Variants in ADARB1 observed in about 807,000 individuals in gnomAD.
ADARB1 encodes the protein adenosine deaminase RNA specific B1.
In ADARB1, 10 loss-of-function variants were observed where a neutral mutation model predicts 52.4. The observed-to-expected ratio is 0.19, with a 90% CI of 0.12 to 0.32. The LOEUF (loss-of-function observed/expected upper bound fraction) is 0.32, where lower values mean the gene tolerates loss of function less well. ADARB1 is among the 10% of genes least tolerant of loss of function. ADARB1 has a pLI of 1.00. For synonymous variants in ADARB1, 349 were observed against 371.1 expected (o/e 0.94, Z 0.68); for missense variants, 643 against 922.3 (o/e 0.70, Z 3.92).
intron 2 of ADARB1, 60 bp from the exon 3 acceptor site, chr21:45,171,550 C>T: frequency 9.6e-7 from 1 of 1,037,010 alleles, no homozygotes. Flanking sequence ...TTAGAGTAGA[C>T]TTACTTCATA....
At chr21:45,143,432 A>G (rs980533947) in intron 2 of ADARB1, among the ~76,000 whole-genome samples, 3 of 152,104 alleles carry the variant, frequency 2.0e-5, no homozygotes, top group Non-Finnish European at 4.4e-5. Context: ...TCTATCCCAC[A>G]TGGCAGCCAG....
At chr21:45,086,614 C>G (rs770688213) in intron 1 of ADARB1, among the ~76,000 whole-genome samples, 2 of 152,360 alleles carry the variant, frequency 1.3e-5, no homozygotes, top group East Asian at 3.9e-4. Flanking sequence ...CAGGCTTTCA[C>G]TTAACATGTT....
At chr21:45,185,158 C>T (rs922078199) in intron 8 of ADARB1, 67 bp downstream of exon 8, 12 of 1,538,082 alleles carry the variant, frequency 7.8e-6, no homozygotes, top group South Asian at 1.2e-5. Context: ...GTTTGCCAAC[C>T]TCCCTTTTCC....
At chr21:45,202,882 G>T (rs926242671) in intron 8 of ADARB1, among the ~76,000 whole-genome samples, 2 of 148,302 alleles carry the variant, frequency 1.3e-5, no homozygotes, top group African/African-American at 5.0e-5. Context: ...TGTGCTGAGC[G>T]TCTTCCCCTG....
intron 8 of ADARB1, among the ~76,000 whole-genome samples, chr21:45,188,496 A>G (rs1194730740): frequency 6.6e-6 from 1 of 152,184 alleles, no homozygotes; most frequent in Non-Finnish European, 1.5e-5. Context: ...CATATTCATT[A>G]TTCCTGCTAT....
chr21:45,118,251 C>G (rs959229226), intron 1 of ADARB1, among the ~76,000 whole-genome samples: 10 of 152,216 alleles, frequency 6.6e-5, no homozygotes, highest in Non-Finnish European at 1.3e-4. Flanking sequence ...GCCATGGTTT[C>G]TCCTATCCCA....
At chr21:45,130,406 G>A (rs1199407378) in intron 2 of ADARB1, among the ~76,000 whole-genome samples, 1 of 152,160 alleles carries the variant, frequency 6.6e-6, no homozygotes, top group Non-Finnish European at 1.5e-5. Context: ...CAAAACTGAA[G>A]AGCTGGAAAT....
chr21:45,076,923 T>C (rs2085960301), intron 1 of ADARB1, among the ~76,000 whole-genome samples: 1 of 152,198 alleles, frequency 6.6e-6, no homozygotes, highest in South Asian at 2.1e-4. Flanking sequence ...CATAAAGCAG[T>C]ACATTTGTAT....
At chr21:45,106,922 C>T (rs982736307) in intron 1 of ADARB1, among the ~76,000 whole-genome samples, 1 of 152,016 alleles carries the variant, frequency 6.6e-6, no homozygotes, top group Non-Finnish European at 1.5e-5. Flanking sequence ...TCCTGAGGTA[C>T]CCACTGGCTA....
Position 45,225,627 on chromosome 21 carries a change from CATCCGG to C in ADARB1, c.*3432_*3437del, listed in dbSNP as rs1362556764. ...GATTAGCGAAGCTGTGGAGACTGCA[CATCCGG>C]ACCTGCCCATGTCTCAAAACAAACA... On this transcript the variant is annotated 3_prime_UTR_variant, in exon 11 of 11. Coordinates refer to ENST00000348831, the MANE Select transcript of ADARB1 (RefSeq NM_001112.4). 8.1e-7 allele frequency: 1 copy of C among 1,231,680 alleles called. No individual in the cohort carries two copies. The highest frequency in any genetic ancestry group is 1.1e-6 in the Non-Finnish European group (1 of 947,330). The allele number at this position is 1,231,680 out of a possible 1,614,324, so 76.3% of individuals were successfully genotyped here.
chr21:45,180,255 C>A, intron 4 of ADARB1, 75 bp from the exon 5 acceptor site: 1 of 1,015,720 alleles, frequency 9.8e-7, no homozygotes, highest in Non-Finnish European at 1.5e-6. Context: ...AGGGAGAGTG[C>A]GTGCAGCATT....
chr21:45,082,650 T>G (rs2086197881), intron 1 of ADARB1, among the ~76,000 whole-genome samples: 1 of 152,204 alleles, frequency 6.6e-6, no homozygotes, highest in South Asian at 2.1e-4. Context: ...TGGATAATGT[T>G]TAACATTTAT....
chr21:45,112,176 G>T (rs1433542610), intron 1 of ADARB1, among the ~76,000 whole-genome samples: 1 of 152,228 alleles, frequency 6.6e-6, no homozygotes, highest in Non-Finnish European at 1.5e-5. Context: ...ATCAGGGAAG[G>T]AGCAGGTATG....
chr21:45,104,912 T>A (rs1405580994), intron 1 of ADARB1, among the ~76,000 whole-genome samples: 1 of 152,180 alleles, frequency 6.6e-6, no homozygotes, highest in Non-Finnish European at 1.5e-5. Context: ...GGGGAAATGC[T>A]CCCAAGTATG....
rs1320516935 is a variant in ADARB1, at chr21:45,208,007, C to T, written c.1747+3271C>T. Among the ~76,000 whole-genome samples the T allele has an allele frequency of 6.6e-6, 1 of 152,160 alleles. No homozygotes were observed. The highest frequency in any genetic ancestry group is 2.4e-5 in the African/African-American group (1 of 41,446). ...TTGGTGCCAAGCTGTGACACTTTTG[C>T]CTTTGTGGGTATACACACTTGGTAC... On this transcript the variant is annotated intron_variant, in intron 9 of 10. Coordinates refer to ENST00000348831, the MANE Select transcript of ADARB1 (RefSeq NM_001112.4). This position sits in a 1 kb window ranked among gnomAD's most constrained non-coding sequence, Gnocchi z 5.6.
chr21:45,150,453 G>A (rs1003028985), intron 2 of ADARB1, among the ~76,000 whole-genome samples: 1 of 152,106 alleles, frequency 6.6e-6, no homozygotes, highest in Non-Finnish European at 1.5e-5. Context: ...AATGTGAAAT[G>A]TTTAAATCAA....
chr21:45,225,640 C>T lies in ADARB1; in HGVS notation c.*3443C>T, dbSNP rs1805769301. The T allele has an allele frequency of 8.5e-7, 1 of 1,182,940 alleles. No homozygotes were observed. Among genetic ancestry groups the T allele is most frequent in the Non-Finnish European group, 1.1e-6 (1 of 903,796 alleles). The allele number at this position is 1,182,940 out of a possible 1,614,324, so 73.3% of individuals were successfully genotyped here. A position where few individuals can be genotyped will look rare whatever the true frequency, so the allele number is the denominator to read the frequency against. On this transcript the variant is annotated 3_prime_UTR_variant, in exon 11 of 11. Coordinates refer to ENST00000348831, the MANE Select transcript of ADARB1 (RefSeq NM_001112.4). ...GTGGAGACTGCACATCCGGACCTGC[C>T]CATGTCTCAAAACAAACACATGTAC... is the stretch of plus-strand genomic sequence containing the variant.
chr21:45,183,037 T>A (rs1284367123), intron 6 of ADARB1, among the ~76,000 whole-genome samples: 1 of 152,204 alleles, frequency 6.6e-6, no homozygotes, highest in Non-Finnish European at 1.5e-5. Flanking sequence ...AACTGCCAGG[T>A]AAAGATGGTA....
chr21:45,125,181 A>G (rs529432329), intron 1 of ADARB1, among the ~76,000 whole-genome samples: 7 of 152,180 alleles, frequency 4.6e-5, no homozygotes, highest in Non-Finnish European at 1.0e-4. Context: ...GCCTCTTACT[A>G]TATTTTTAGT....
Sources: gnomAD v4.1 joint callset for allele counts (sites outside exome capture counted in the v4.1 genomes callset) on GRCh38, gnomAD v4.1.1 for gene constraint, Gnocchi (gnomAD v3.1) non-coding constraint, MANE v1.5 for transcripts, NCBI Gene and HGNC (gene_info 2026-07-23, HGNC 2026-07-21) for gene names.